SMU1: variants seen among roughly 807,000 people sequenced by gnomAD.
The protein encoded by SMU1 is WD40 repeat-containing protein SMU1.
A neutral mutation model predicts 62.0 loss-of-function variants in SMU1; 2 were observed. The observed-to-expected ratio is 0.03, with a 90% confidence interval of 0.01 to 0.10. The LOEUF (loss-of-function observed/expected upper bound fraction) is 0.10, where lower values mean the gene tolerates loss of function less well. Among genes scored for constraint, SMU1 ranks in the 10% least tolerant of loss-of-function variants. SMU1 has a pLI of 1.00. For synonymous variants in SMU1, 188 were observed against 212.4 expected (o/e 0.89, Z 1.00); for missense variants, 227 against 622.1 (o/e 0.36, Z 6.76).
At chr9:33,069,897 G>C (rs1045877732) in intron 3 of SMU1, among the ~76,000 whole-genome samples, 2 of 152,054 alleles carry the variant, frequency 1.3e-5, no homozygotes, top group Non-Finnish European at 2.9e-5. Flanking sequence ...AGGCCGAGGC[G>C]GGTGGACTGC....
At chr9:33,070,334 T>C (rs1224142268) in intron 3 of SMU1, among the ~76,000 whole-genome samples, 3 of 152,130 alleles carry the variant, frequency 2.0e-5, no homozygotes, top group Admixed American at 6.6e-5. Context: ...CAATGAGATA[T>C]CATCTCACTC....
At chr9:33,053,725 C>T (rs924813495) in intron 9 of SMU1, among the ~76,000 whole-genome samples, 5 of 151,970 alleles carry the variant, frequency 3.3e-5, no homozygotes, top group Non-Finnish European at 7.4e-5. Flanking sequence ...TCTTTTTTTT[C>T]CCCAAATATT....
chr9:33,052,453 T>C lies in SMU1; in HGVS notation c.1290+670A>G, dbSNP rs73478846. On this transcript the variant is annotated intron_variant, in intron 10 of 11. Transcript: ENST00000397149. ...GATACTGCGGACCAGCCATCTCAGCTATGGATTCTCAACTACTACTCCATC... is the reference window on the plus strand; with the variant it reads ...GATACTGCGGACCAGCCATCTCAGCCATGGATTCTCAACTACTACTCCATC... Among the ~76,000 whole-genome samples, 345 of 152,328 alleles carry C rather than the reference T, an allele frequency of 2.3e-3. 2 individuals carry two copies. Among genetic ancestry groups the C allele is most frequent in the African/African-American group, 7.7e-3 (320 of 41,570 alleles).
chr9:33,064,578 A>G (rs1430152177), intron 4 of SMU1, among the ~76,000 whole-genome samples: 1 of 152,178 alleles, frequency 6.6e-6, no homozygotes, highest in Non-Finnish European at 1.5e-5. Context: ...TATAAATAAC[A>G]GAATTGGGTT....
intron 10 of SMU1, 53 bp from the exon 11 acceptor site, chr9:33,048,311 C>T (rs748531982): frequency 1.3e-5 from 21 of 1,596,308 alleles, no homozygotes; most frequent in Non-Finnish European, 1.6e-5. Flanking sequence ...AGCAGCTCAA[C>T]CATGTGCAGC....
chr9:33,064,285 C>T (rs558257447), intron 4 of SMU1, among the ~76,000 whole-genome samples: 12 of 152,176 alleles, frequency 7.9e-5, no homozygotes, highest in African/African-American at 2.4e-4. Flanking sequence ...TCTTAAGTTC[C>T]GTTCTCGAGT....
chr9:33,076,638 C>T lies in SMU1; in HGVS notation c.-30G>A, dbSNP rs2117899024. Reference sequence around the variant, plus strand: ...GTATCTCTCCGGGAGCAGGCCCCAGCTCTCCCTCAAGGCCAGTCGCGCAAC... The same window carrying T: ...GTATCTCTCCGGGAGCAGGCCCCAGTTCTCCCTCAAGGCCAGTCGCGCAAC... On this transcript the variant is annotated 5_prime_UTR_variant, in exon 1 of 12. Coordinates refer to ENST00000397149, the MANE Select transcript of SMU1 (RefSeq NM_018225.3). 2 of 1,613,810 alleles carry T rather than the reference C, an allele frequency of 1.2e-6. No homozygotes were observed. Among genetic ancestry groups the T allele is most frequent in the Non-Finnish European group, 1.7e-6 (2 of 1,180,030 alleles).
At chr9:33,063,031 C>T (rs1034820886) in intron 4 of SMU1, among the ~76,000 whole-genome samples, 5 of 152,166 alleles carry the variant, frequency 3.3e-5, no homozygotes, top group Non-Finnish European at 5.9e-5. Context: ...GTCATTTTGA[C>T]TCCCAGTTTT....
At chr9:33,064,437 A>ATTTTTT (rs1365834272) in intron 4 of SMU1, among the ~76,000 whole-genome samples, 1 of 152,200 alleles carries the variant, frequency 6.6e-6, no homozygotes, top group African/African-American at 2.4e-5. Flanking sequence ...GCTACATAAA[A>ATTTTTT]TATGGGAGCA....
Position 33,050,526 on chromosome 9 carries a change from T to TAA in SMU1, c.1291-2270_1291-2269dup, listed in dbSNP as rs572118083. On this transcript the variant is annotated intron_variant, in intron 10 of 11. Transcript: ENST00000397149. ...GGATAAATAAATGTTATTAAGCACT[T>TAA]AAAAAAAAAAAAAAAAAAAAGCCGG... is the stretch of plus-strand genomic sequence containing the variant. 6.0e-3 allele frequency among the ~76,000 whole-genome samples: 599 copies of TAA among 99,872 alleles called. 3 individuals carry two copies. The highest frequency in any genetic ancestry group is 0.011 in the African/African-American group (310 of 27,246). The allele number at this position is 99,872 out of a possible 152,430, so 65.5% of individuals were successfully genotyped here.
intron 1 of SMU1, among the ~76,000 whole-genome samples, chr9:33,074,198 C>T (rs755386017): frequency 8.5e-5 from 13 of 152,174 alleles, no homozygotes; most frequent in Non-Finnish European, 1.6e-4. Flanking sequence ...CATGCTGGCT[C>T]ATGACTGTAA....
chr9:33,059,912 T>C (rs1839344541), intron 6 of SMU1, among the ~76,000 whole-genome samples: 1 of 151,972 alleles, frequency 6.6e-6, no homozygotes, highest in African/African-American at 2.4e-5. Context: ...ACGCCCAGCC[T>C]GAAAAAAAAT....
At chr9:33,074,139 T>G (rs929035657) in intron 1 of SMU1, among the ~76,000 whole-genome samples, 3 of 152,202 alleles carry the variant, frequency 2.0e-5, no homozygotes, top group African/African-American at 7.2e-5. Context: ...TGAAATACTT[T>G]AAATGACTAG....
intron 3 of SMU1, among the ~76,000 whole-genome samples, chr9:33,070,986 A>C (rs1839479414): frequency 2.0e-5 from 3 of 152,218 alleles, no homozygotes; most frequent in South Asian, 4.1e-4. Flanking sequence ...TATAGCCAAT[A>C]ATAATTATAC....
intron 6 of SMU1, among the ~76,000 whole-genome samples, chr9:33,058,940 T>A (rs1839332535): frequency 6.6e-6 from 1 of 151,896 alleles, no homozygotes; most frequent in African/African-American, 2.4e-5. Context: ...TAAAGAACAA[T>A]CCAACAGAAA....
At position 33,041,969 on chromosome 9, in the gene SMU1, A is replaced by G. The variant is rs1839130847; in HGVS notation, c.*5324T>C. On this transcript the variant is annotated 3_prime_UTR_variant, in exon 12 of 12. Coordinates refer to ENST00000397149, the MANE Select transcript of SMU1 (RefSeq NM_018225.3). ...GAAGGAGAAGTTAATTGACAATGTTACAGGGCTTCTGTTTAGGGTGATGAC... is the reference window on the plus strand; with the variant it reads ...GAAGGAGAAGTTAATTGACAATGTTGCAGGGCTTCTGTTTAGGGTGATGAC... 6.6e-6 allele frequency: 1 copy of G among 152,282 alleles called. No homozygotes were observed. Among genetic ancestry groups the G allele is most frequent in the Non-Finnish European group, 1.5e-5 (1 of 68,040 alleles). The allele number at this position is 152,282 out of a possible 1,614,324, so 9.4% of individuals were successfully genotyped here.
chr9:33,060,460 T>C lies in SMU1; in HGVS notation c.750+5A>G. The C allele has an allele frequency of 6.3e-7, 1 of 1,596,726 alleles. No individual in the cohort carries two copies. Among genetic ancestry groups the C allele is most frequent in the Non-Finnish European group, 8.5e-7 (1 of 1,176,272 alleles). On this transcript the variant is annotated splice_donor_5th_base_variant and intron_variant, in intron 6 of 11. Transcript: ENST00000397149. The stretch of plus-strand genomic sequence containing the variant: ...AGGAAGGTTAACACATTTAAAATAC[T>C]TTACCTTTCTGATTTTTCCAGTAGT...
chr9:33,071,161 T>G (rs940200074), intron 3 of SMU1, among the ~76,000 whole-genome samples: 2 of 152,118 alleles, frequency 1.3e-5, no homozygotes, highest in African/African-American at 4.8e-5. Flanking sequence ...AAAATTTTTT[T>G]TAATCCTTTT....
chr9:33,070,583 G>C (rs1402407921), intron 3 of SMU1, among the ~76,000 whole-genome samples: 2 of 152,198 alleles, frequency 1.3e-5, no homozygotes, highest in Admixed American at 1.3e-4. Flanking sequence ...GCACTCCCAT[G>C]TTTATTACAG....
Sources: gnomAD v4.1 joint callset for allele counts (sites outside exome capture counted in the v4.1 genomes callset) on GRCh38, gnomAD v4.1.1 for gene constraint, MANE v1.5 for transcripts, NCBI Gene and HGNC (gene_info 2026-07-23, HGNC 2026-07-21) for gene names.